Variants in STAG1 observed in about 807,000 individuals in gnomAD.
The protein encoded by STAG1 is cohesin subunit SA-1.
In STAG1, 26 loss-of-function variants were observed where a neutral mutation model predicts 170.9. The ratio of observed to expected loss-of-function variants is 0.15; its 90% CI spans 0.11 to 0.21. STAG1 has a LOEUF of 0.21. Ranked by LOEUF, STAG1 falls within the 10% of genes least tolerant of loss-of-function variation. The pLI is 1.00. For synonymous variants in STAG1, 514 were observed against 497.7 expected (o/e 1.03, Z -0.44); for missense variants, 964 against 1,509.5 (o/e 0.64, Z 5.99).
chr3:136,710,236 A>G (rs753068652), intron 1 of STAG1, among the ~76,000 whole-genome samples: 33 of 152,268 alleles, frequency 2.2e-4, no homozygotes, highest in Non-Finnish European at 3.8e-4. Context: ...TCACCCAAAC[A>G]CAATTCCAAC....
chr3:136,420,862 C>A (rs1448876290), intron 20 of STAG1, among the ~76,000 whole-genome samples: 1 of 152,224 alleles, frequency 6.6e-6, no homozygotes, highest in African/African-American at 2.4e-5. Flanking sequence ...ACAACCCCCA[C>A]CTCCTGGGTT....
At chr3:136,441,989 G>T (rs1303420672) in intron 15 of STAG1, among the ~76,000 whole-genome samples, 5 of 152,152 alleles carry the variant, frequency 3.3e-5, no homozygotes, top group Non-Finnish European at 7.4e-5. Flanking sequence ...CCTGAGCTCA[G>T]GAGTTCAAGA....
At chr3:136,531,570 C>G (rs1322691509) in intron 6 of STAG1, among the ~76,000 whole-genome samples, 1 of 151,666 alleles carries the variant, frequency 6.6e-6, no homozygotes, top group East Asian at 1.9e-4. Context: ...CCATGGAATA[C>G]TATTGCAGCC....
intron 6 of STAG1, among the ~76,000 whole-genome samples, chr3:136,525,591 C>T (rs1423462360): frequency 3.9e-5 from 6 of 152,102 alleles, no homozygotes; most frequent in Non-Finnish European, 8.8e-5. Flanking sequence ...CTGTCTCTAT[C>T]TCCTTCAGTT....
At chr3:136,556,922 C>A (rs1371191398) in intron 5 of STAG1, among the ~76,000 whole-genome samples, 1 of 152,016 alleles carries the variant, frequency 6.6e-6, no homozygotes. Flanking sequence ...AATACAAAAG[C>A]CAGTAAGTTT....
rs189580331 is a variant in STAG1, at chr3:136,585,581, A to T, written c.298-16720T>A. On this transcript the variant is annotated intron_variant, in intron 4 of 33. Coordinates refer to ENST00000383202, the MANE Select transcript of STAG1 (RefSeq NM_005862.3). Reference sequence around the variant, plus strand: ...CACTGCTCTCCAGCCTGGGTGACAGAGTGAGACTCAAAAATAATAATAATA... The same window carrying T: ...CACTGCTCTCCAGCCTGGGTGACAGTGTGAGACTCAAAAATAATAATAATA... Among the ~76,000 whole-genome samples the T allele has an allele frequency of 9.2e-5, 14 of 151,966 alleles. No homozygotes were observed. The East Asian group carries it at 2.7e-3, about 29-fold the overall frequency.
chr3:136,570,875 G>C (rs1261671400), intron 4 of STAG1, among the ~76,000 whole-genome samples: 2 of 152,164 alleles, frequency 1.3e-5, no homozygotes, highest in Non-Finnish European at 1.5e-5. Context: ...GGGGGGTTTT[G>C]TTTTTAAAGT....
At chr3:136,461,466 G>A (rs2089271663) in intron 13 of STAG1, among the ~76,000 whole-genome samples, 1 of 151,630 alleles carries the variant, frequency 6.6e-6, no homozygotes, top group Non-Finnish European at 1.5e-5. Flanking sequence ...AATAAATTCT[G>A]AAAAGTAGCA....
At chr3:136,621,848 G>T (rs919350163) in intron 3 of STAG1, among the ~76,000 whole-genome samples, 4 of 151,930 alleles carry the variant, frequency 2.6e-5, no homozygotes, top group African/African-American at 7.3e-5. Context: ...GTTGCAGGGG[G>T]TGGATCATTC....
intron 23 of STAG1, among the ~76,000 whole-genome samples, chr3:136,375,472 T>C (rs1937540784): frequency 6.6e-6 from 1 of 152,176 alleles, no homozygotes; most frequent in Admixed American, 6.5e-5. Context: ...GATAACTGTA[T>C]ATCTGGTTGT....
intron 1 of STAG1, among the ~76,000 whole-genome samples, chr3:136,749,744 C>CA (rs895920877): frequency 0.045 from 3,952 of 87,040 alleles, 80 homozygotes; most frequent in Middle Eastern, 0.073. Flanking sequence ...GACTCCATCT[C>CA]AAAAAAAAAA....
At chr3:136,571,676 A>C (rs1232275038) in intron 4 of STAG1, among the ~76,000 whole-genome samples, 1 of 152,116 alleles carries the variant, frequency 6.6e-6, no homozygotes, top group Admixed American at 6.5e-5. Context: ...GTTCAAGACC[A>C]GCCTGGGCAA....
Position 136,647,293 on chromosome 3 carries a change from G to A in STAG1, c.-83-16312C>T, listed in dbSNP as rs192967449. On this transcript the variant is annotated intron_variant, in intron 1 of 33. Transcript: ENST00000383202. ...TGAAATAAAAATATCTTTCCTGGCC[G>A]GGCATGGTGACTCATGCCTGTAATC... 1.4e-3 allele frequency among the ~76,000 whole-genome samples: 206 copies of A among 152,186 alleles called. 4 individuals are homozygous for A. The highest frequency in any genetic ancestry group is 0.012 in the Admixed American group (176 of 15,276).
intron 5 of STAG1, among the ~76,000 whole-genome samples, chr3:136,547,983 C>T (rs1936228950): frequency 6.6e-6 from 1 of 152,222 alleles, no homozygotes; most frequent in African/African-American, 2.4e-5. Context: ...AAAGACTATC[C>T]TTTCCCTACT....
At chr3:136,691,125 T>A (rs529511202) in intron 1 of STAG1, among the ~76,000 whole-genome samples, 1 of 151,294 alleles carries the variant, frequency 6.6e-6, no homozygotes, top group Non-Finnish European at 1.5e-5. Context: ...TGGCAAAACC[T>A]CATCTCCACA....
intron 1 of STAG1, chr3:136,736,423 AAAG>A (rs1934337184): frequency 9.1e-7 from 1 of 1,094,344 alleles, no homozygotes; most frequent in Non-Finnish European, 1.4e-6. Flanking sequence ...AAGTGGGAGG[AAAG>A]AATGAGTCCT....
chr3:136,531,051 G>A (rs1453507657), intron 6 of STAG1, among the ~76,000 whole-genome samples: 2 of 152,168 alleles, frequency 1.3e-5, no homozygotes, highest in Non-Finnish European at 2.9e-5. Flanking sequence ...GTTGCAGTGA[G>A]CCGAGATCAC....
In STAG1 at chr3:136,423,062, A is replaced by G. The variant is rs1559792387; in HGVS notation, c.1651-18T>C. ...GTTAGCACCTAGAAACAAAATCGGA[A>G]AAGAAGAAGAGTATTGTGTTAAATT... On this transcript the variant is annotated intron_variant, in intron 16 of 33. Transcript: ENST00000383202. 1 of 1,529,392 alleles carries G rather than the reference A, an allele frequency of 6.5e-7. No homozygotes were observed. Among genetic ancestry groups the G allele is most frequent in the Non-Finnish European group, 9.0e-7 (1 of 1,114,576 alleles). 94.7% of individuals were successfully genotyped at this position (1,529,392 alleles called of 1,614,324 possible). A position where few individuals can be genotyped will look rare whatever the true frequency, so the allele number is the denominator to read the frequency against.
chr3:136,558,427 A>G (rs1487987872), intron 5 of STAG1, among the ~76,000 whole-genome samples: 1 of 152,152 alleles, frequency 6.6e-6, no homozygotes, highest in Admixed American at 6.6e-5. Flanking sequence ...CAAAACAATA[A>G]AGGACAAAAG....
Sources: allele counts gnomAD v4.1 joint callset (sites outside exome capture counted in the v4.1 genomes callset), GRCh38; gene constraint gnomAD v4.1.1; transcripts MANE v1.5; gene names NCBI Gene and HGNC (gene_info 2026-07-23, HGNC 2026-07-21).